The following LRRC37A2 variants were observed in gnomAD, a reference collection of about 807,000 sequenced individuals.
LRRC37A2 encodes the protein leucine rich repeat containing 37 member A2.
In LRRC37A2, 9 loss-of-function variants were observed where a neutral mutation model predicts 68.8. The ratio of observed to expected loss-of-function variants is 0.13; its 90% confidence interval spans 0.08 to 0.23. LRRC37A2 has a LOEUF of 0.23. Ranked by LOEUF, LRRC37A2 falls within the 10% of genes least tolerant of loss-of-function variation. The probability of loss-of-function intolerance (pLI) is 1.00; values close to 1 mark genes in which losing one functional copy is unlikely to be tolerated. For synonymous variants in LRRC37A2, 63 were observed against 367.6 expected, an observed-to-expected ratio of 0.17 and a Z score of 9.48; for missense variants, 168 against 950.4, an observed-to-expected ratio of 0.18 and a Z score of 10.82.
chr17:46,589,340 AT>A, the LRRC37A2 span, among the ~76,000 whole-genome samples: 800 of 78,642 alleles, frequency 0.01, 40 homozygotes, highest in East Asian at 0.14. Flanking sequence ...ATAGGCGTGA[AT>A]TTTTTTTTTT....
the LRRC37A2 span, among the ~76,000 whole-genome samples, chr17:46,893,186 G>A: frequency 1.3e-5 from 2 of 152,034 alleles, no homozygotes; most frequent in Admixed American, 6.6e-5. Context: ...CACCTGCCTC[G>A]GCCTCCCAAA....
the LRRC37A2 span, among the ~76,000 whole-genome samples, chr17:46,818,190 A>G: frequency 6.6e-6 from 1 of 152,086 alleles, no homozygotes; most frequent in Non-Finnish European, 1.5e-5. Context: ...CAGAAACCCA[A>G]CTGCAAGCAA....
the LRRC37A2 span, among the ~76,000 whole-genome samples, chr17:46,708,154 G>A: frequency 6.6e-6 from 1 of 152,154 alleles, no homozygotes; most frequent in Non-Finnish European, 1.5e-5. Context: ...TCATTAGCAT[G>A]GCTGTACAGA....
At chr17:47,000,027 A>G in the LRRC37A2 span, among the ~76,000 whole-genome samples, 1 of 22,764 alleles carries the variant, frequency 4.4e-5, no homozygotes, top group African/African-American at 8.0e-5. Context: ...ATAAAATAAA[A>G]TAAAATAAAA....
chr17:46,981,325 G>A, the LRRC37A2 span, among the ~76,000 whole-genome samples: 60 of 152,278 alleles, frequency 3.9e-4, no homozygotes, highest in Middle Eastern at 3.4e-3. Context: ...GGTGGGGTGA[G>A]ATGCTGCCAT....
At chr17:46,815,742 C>T in the LRRC37A2 span, among the ~76,000 whole-genome samples, 1 of 152,180 alleles carries the variant, frequency 6.6e-6, no homozygotes, top group Non-Finnish European at 1.5e-5. Context: ...GTCAAGGAAG[C>T]CTGTGCCCCT....
the LRRC37A2 span, among the ~76,000 whole-genome samples, chr17:46,807,056 C>T: frequency 3.3e-5 from 5 of 152,046 alleles, no homozygotes; most frequent in Non-Finnish European, 5.9e-5. Flanking sequence ...TGGCCAGGAA[C>T]GAGAGACAGT....
the LRRC37A2 span, among the ~76,000 whole-genome samples, chr17:46,709,465 A>G: frequency 6.6e-6 from 1 of 152,182 alleles, no homozygotes; most frequent in South Asian, 2.1e-4. Context: ...ATATAACTGG[A>G]AAAATTAAAG....
chr17:46,704,803 G>T, the LRRC37A2 span: 1 of 1,608,490 alleles, frequency 6.2e-7, no homozygotes, highest in Non-Finnish European at 8.5e-7. Context: ...CAGAAAGCCT[G>T]CAAGTGACGA....
chr17:46,785,666 C>T, the LRRC37A2 span, among the ~76,000 whole-genome samples: 1 of 152,336 alleles, frequency 6.6e-6, no homozygotes, highest in South Asian at 2.1e-4. Flanking sequence ...TGCCAGGGAC[C>T]ACCTGAGAGC....
chr17:46,924,012 A>T, the LRRC37A2 span: 2 of 396,464 alleles, frequency 5.0e-6, no homozygotes, highest in South Asian at 2.8e-4. Context: ...TGTTTTAACA[A>T]TTTTTAAGTG....
At chr17:46,691,657 T>C in the LRRC37A2 span, among the ~76,000 whole-genome samples, 1 of 151,770 alleles carries the variant, frequency 6.6e-6, no homozygotes, top group Non-Finnish European at 1.5e-5. Context: ...ATACTAACCA[T>C]ATTTAATCCT....
At chr17:46,907,515 C>G in the LRRC37A2 span, among the ~76,000 whole-genome samples, 1 of 151,464 alleles carries the variant, frequency 6.6e-6, no homozygotes, top group East Asian at 1.9e-4. Flanking sequence ...ATAAACAACA[C>G]TTTGGAGACC....
chr17:46,550,740 T>A (rs547121655), intron 11 of LRRC37A2, among the ~76,000 whole-genome samples: 454 of 116,706 alleles, frequency 3.9e-3, no homozygotes, highest in Middle Eastern at 0.027. Context: ...ATTGAAACCA[T>A]GTGAATCCCA....
chr17:46,884,943 C>A, the LRRC37A2 span: 1 of 368,214 alleles, frequency 2.7e-6, no homozygotes. Context: ...CCAACTTCCC[C>A]ACTCCTGCAA....
chr17:46,409,148 A>C, the LRRC37A2 span: 3 of 357,602 alleles, frequency 8.4e-6, no homozygotes, highest in Non-Finnish European at 1.5e-5. Flanking sequence ...CTCAGATGTT[A>C]ATTTGTTCTC....
At chr17:46,767,249 T>C in the LRRC37A2 span, among the ~76,000 whole-genome samples, 13 of 152,072 alleles carry the variant, frequency 8.5e-5, no homozygotes, top group Admixed American at 7.9e-4. Flanking sequence ...CCACCCGCCT[T>C]TGATCCCTCG....
the LRRC37A2 span, among the ~76,000 whole-genome samples, chr17:46,781,800 G>A: frequency 1.3e-5 from 2 of 152,184 alleles, no homozygotes; most frequent in African/African-American, 2.4e-5. Context: ...CCCTGTGCAG[G>A]ACGAAATTCC....
the LRRC37A2 span, among the ~76,000 whole-genome samples, chr17:46,687,280 G>A: frequency 1.6e-5 from 2 of 124,758 alleles, no homozygotes; most frequent in East Asian, 2.4e-4. Context: ...TGCAGAAGAC[G>A]TTCAGATGTA....
Sources: gnomAD v4.1 joint callset for allele counts (sites outside exome capture counted in the v4.1 genomes callset) on GRCh38, gnomAD v4.1.1 for gene constraint, MANE v1.5 for transcripts, NCBI Gene and HGNC (gene_info 2026-07-23, HGNC 2026-07-21) for gene names.